The following CCDC144A variants were observed in gnomAD, a reference collection of about 807,000 sequenced individuals.
The protein encoded by CCDC144A is coiled-coil domain-containing protein 144A.
Under a neutral mutation model 143.8 loss-of-function variants are expected in CCDC144A, and 41 were observed. That is an observed-to-expected ratio of 0.29 (90% CI 0.22 to 0.37). The LOEUF (loss-of-function observed/expected upper bound fraction) is 0.37, where lower values mean the gene tolerates loss of function less well. CCDC144A is among the 10% of genes least tolerant of loss of function. CCDC144A has a pLI of 1.00. For missense variants in CCDC144A, 637 were observed against 1,488.8 expected (o/e 0.43, Z 9.41); for synonymous variants, 242 against 517.9 (o/e 0.47, Z 7.23).
intron 2 of CCDC144A, among the ~76,000 whole-genome samples, chr17:16,704,054 T>G (rs1320766575): frequency 3.3e-5 from 5 of 152,208 alleles, no homozygotes; most frequent in African/African-American, 1.2e-4. Flanking sequence ...GAGTCAACAT[T>G]TTAAACCACA....
chr17:16,676,497 C>T, the CCDC144A span, among the ~76,000 whole-genome samples: 3 of 144,930 alleles, frequency 2.1e-5, no homozygotes, highest in Admixed American at 7.0e-5. Flanking sequence ...GGTGACAGAG[C>T]GGGACTCCGT....
At chr17:16,676,267 T>G in the CCDC144A span, among the ~76,000 whole-genome samples, 1 of 152,128 alleles carries the variant, frequency 6.6e-6, no homozygotes, top group East Asian at 1.9e-4. Context: ...TTCCCACCAC[T>G]TTGGGAGGCC....
chr17:16,671,897 C>A, the CCDC144A span, among the ~76,000 whole-genome samples: 2 of 151,952 alleles, frequency 1.3e-5, no homozygotes, highest in East Asian at 3.8e-4. Context: ...TACTTCTGCC[C>A]TTTATTAGGA....
chr17:16,687,707 C>A (rs1288280559), upstream of CCDC144A, among the ~76,000 whole-genome samples: 1 of 152,196 alleles, frequency 6.6e-6, no homozygotes, highest in Non-Finnish European at 1.5e-5. Context: ...CAATAGTTCT[C>A]ATTCTTCCAA....
chr17:16,672,177 G>A, the CCDC144A span, among the ~76,000 whole-genome samples: 3 of 152,076 alleles, frequency 2.0e-5, no homozygotes, highest in Admixed American at 6.6e-5. Context: ...CTCACAAATT[G>A]GAAGTAAAAT....
chr17:16,691,214 G>A (rs1911050468), intron 1 of CCDC144A, among the ~76,000 whole-genome samples: 1 of 152,144 alleles, frequency 6.6e-6, no homozygotes, highest in Non-Finnish European at 1.5e-5. Context: ...ACTTAGCTAA[G>A]ACCTTCATGA....
the CCDC144A span, among the ~76,000 whole-genome samples, chr17:16,668,620 G>T: frequency 6.6e-6 from 1 of 151,978 alleles, no homozygotes; most frequent in South Asian, 2.1e-4. Flanking sequence ...ACAGACTTTA[G>T]GATATAATGG....
chr17:16,749,977 T>C (rs1046503610), intron 12 of CCDC144A, among the ~76,000 whole-genome samples: 1 of 152,240 alleles, frequency 6.6e-6, no homozygotes, highest in African/African-American at 2.4e-5. Context: ...GTGGGTGCCA[T>C]TACATGTGAG....
rs1912129353 is a variant in CCDC144A, at chr17:16,707,518, A to G, written c.714A>G (p.Lys238=). The change falls in exon 4 of 17, where the codon AAA becomes AAG. Residue 238 remains lysine, a synonymous_variant. Transcript: ENST00000399273. ...LTSEEEQERL[K]GCENKQPQKT... The stretch of plus-strand genomic sequence containing the variant: ...CAGAGGAAGAGCAAGAAAGACTTAA[A>G]GGATGCGAAAATAAGCAGCCACAGG... 6.2e-7 allele frequency: 1 copy of G among 1,605,348 alleles called. No homozygotes were observed. The highest frequency in any genetic ancestry group is 1.1e-5 in the South Asian group (1 of 89,446).
At chr17:16,749,135 C>T (rs2143308908) in intron 12 of CCDC144A, among the ~76,000 whole-genome samples, 1 of 152,172 alleles carries the variant, frequency 6.6e-6, no homozygotes, top group South Asian at 2.1e-4. Flanking sequence ...CTGTTGCCAG[C>T]TTTGGGGTTA....
intron 1 of CCDC144A, 118 bp downstream of exon 1, chr17:16,690,862 A>G (rs1911024260): frequency 1.2e-6 from 1 of 847,098 alleles, no homozygotes. Flanking sequence ...CAGGCCTCTT[A>G]GTGAGACGGG....
upstream of CCDC144A, among the ~76,000 whole-genome samples, chr17:16,687,761 A>G (rs575054122): frequency 1.2e-4 from 19 of 152,326 alleles, no homozygotes; most frequent in African/African-American, 4.6e-4. Context: ...GACATGCAGT[A>G]AAGGACATAA....
At chr17:16,680,507 C>T in the CCDC144A span, among the ~76,000 whole-genome samples, 1 of 150,952 alleles carries the variant, frequency 6.6e-6, no homozygotes, top group Non-Finnish European at 1.5e-5. Flanking sequence ...TTGTTAACAC[C>T]ACTGCACTCC....
intron 15 of CCDC144A, chr17:16,766,211 ACT>A (rs1484003312): frequency 1.3e-5 from 2 of 152,468 alleles, no homozygotes; most frequent in Admixed American, 1.3e-4. Flanking sequence ...AAACAGTTGC[ACT>A]CTTTTGAGTT....
chr17:16,723,006 G>A (rs1913183516), intron 8 of CCDC144A, among the ~76,000 whole-genome samples: 2 of 152,078 alleles, frequency 1.3e-5, no homozygotes, highest in Middle Eastern at 3.2e-3. Flanking sequence ...TCAGGGTAAT[G>A]CTAGAGTGAC....
chr17:16,768,649 C>T (rs940951166), intron 15 of CCDC144A, among the ~76,000 whole-genome samples: 2 of 152,198 alleles, frequency 1.3e-5, no homozygotes, highest in African/African-American at 4.8e-5. Flanking sequence ...ATCAGAAGTA[C>T]TTTTTATAGT....
chr17:16,717,703 A>G (rs916036737), intron 6 of CCDC144A, among the ~76,000 whole-genome samples: 1 of 152,336 alleles, frequency 6.6e-6, no homozygotes, highest in South Asian at 2.1e-4. Context: ...CAGGAAATAT[A>G]TATTTCTTTA....
rs572395478 is a variant in CCDC144A at position 16,722,341 on chromosome 17, T to A, written c.1891+1683T>A. On this transcript the variant is annotated intron_variant, in intron 8 of 16. Coordinates refer to ENST00000399273, the MANE Select transcript of CCDC144A (RefSeq NM_001382000.1). ...TGGATTTGATTTGCCAAAGCTTTAT[T>A]TAGAGCGTTTTAAAAGACTATTTTT... 1.6e-3 allele frequency among the ~76,000 whole-genome samples: 246 copies of A among 152,252 alleles called. 1 individual carries two copies. The highest frequency in any genetic ancestry group is 5.6e-3 in the African/African-American group (233 of 41,548).
intron 2 of CCDC144A, among the ~76,000 whole-genome samples, chr17:16,693,995 G>GA (rs1341916659): frequency 6.8e-6 from 1 of 147,476 alleles, no homozygotes; most frequent in African/African-American, 2.5e-5. Context: ...TCATAAGGCA[G>GA]AAAAAATACG....
Sources: gnomAD v4.1 joint callset for allele counts (sites outside exome capture counted in the v4.1 genomes callset) on GRCh38, gnomAD v4.1.1 for gene constraint, MANE v1.5 for transcripts, NCBI Gene and HGNC (gene_info 2026-07-23, HGNC 2026-07-21) for gene names.